PTK2: variants seen among roughly 807,000 people sequenced by gnomAD.
The protein encoded by PTK2 is protein tyrosine kinase 2, also known as focal adhesion kinase 1.
Under a neutral mutation model 150.1 loss-of-function variants are expected in PTK2, and 45 were observed. The ratio of observed to expected loss-of-function variants is 0.30; its 90% confidence interval spans 0.24 to 0.38. PTK2 has a LOEUF of 0.38. Ranked by LOEUF, PTK2 falls within the 10% of genes least tolerant of loss-of-function variation. PTK2 has a pLI of 1.00. For synonymous variants in PTK2, 432 were observed against 449.2 expected, an observed-to-expected ratio of 0.96 and a Z score of 0.48; for missense variants, 919 against 1,307.3, an observed-to-expected ratio of 0.70 and a Z score of 4.58.
At chr8:140,905,617 A>G (rs185004881) in intron 2 of PTK2, among the ~76,000 whole-genome samples, 3 of 152,276 alleles carry the variant, frequency 2.0e-5, no homozygotes. Context: ...ACAGATCAAC[A>G]AGACAGAAGA....
chr8:140,849,498 G>A (rs1413582929), intron 5 of PTK2, among the ~76,000 whole-genome samples: 1 of 152,182 alleles, frequency 6.6e-6, no homozygotes, highest in African/African-American at 2.4e-5. Flanking sequence ...AAACCAAACT[G>A]ATCAAGCATT....
intron 30 of PTK2, among the ~76,000 whole-genome samples, chr8:140,667,521 G>A (rs2093056066): frequency 6.8e-6 from 1 of 147,518 alleles, no homozygotes; most frequent in Admixed American, 6.8e-5. Context: ...AGCTGGTCTT[G>A]AACTTCTGAC....
chr8:140,911,046 ATTT>A (rs10706458), intron 2 of PTK2, among the ~76,000 whole-genome samples: 1 of 143,448 alleles, frequency 7.0e-6, no homozygotes. Context: ...GCCCAGCTAA[ATTT>A]TTTTTTTTTT....
chr8:140,675,662 G>A lies in PTK2; in HGVS notation c.2563-163C>T. The A allele has an allele frequency of 1.7e-5, 10 of 593,082 alleles. 1 individual carries two copies. In the South Asian group the frequency reaches 2.1e-4, roughly 12 times the overall value. 36.7% of individuals were successfully genotyped at this position (593,082 alleles called of 1,614,324 possible). On this transcript the variant is annotated intron_variant, in intron 27 of 31. Transcript: ENST00000522684. Reference sequence around the variant, plus strand: ...GCATAAGGTCTCAGTTGGGGTGGGGGATCAGGCAAATAAGCAAATGATGCC... The same window carrying A: ...GCATAAGGTCTCAGTTGGGGTGGGGAATCAGGCAAATAAGCAAATGATGCC...
chr8:140,801,799 C>T lies in PTK2; in HGVS notation c.976-1223G>A, dbSNP rs182061825. Among the ~76,000 whole-genome samples the T allele has an allele frequency of 3.9e-5, 6 of 152,140 alleles. No homozygotes were observed. In the East Asian group the frequency reaches 5.8e-4, roughly 15 times the overall value. On this transcript the variant is annotated intron_variant, in intron 11 of 31. Coordinates refer to ENST00000522684, the Ensembl canonical transcript of PTK2. ...TACAGTATATATAGTCAATGCACCA[C>T]ATAACAACATTTTGGTCAATGATGG...
At chr8:140,675,198 C>G (rs1413785978) in intron 28 of PTK2, among the ~76,000 whole-genome samples, 1 of 147,656 alleles carries the variant, frequency 6.8e-6, no homozygotes, top group Non-Finnish European at 1.5e-5. Context: ...CCGAGTGTTG[C>G]TCTGTCACCC....
chr8:140,744,779 ATG>A lies in PTK2; in HGVS notation c.1519-14_1519-13del. 2 of 1,344,842 alleles carry A rather than the reference ATG, an allele frequency of 1.5e-6. No individual in the cohort carries two copies. The highest frequency in any genetic ancestry group is 2.1e-6 in the Non-Finnish European group (2 of 962,518). The allele number at this position is 1,344,842 out of a possible 1,614,324, so 83.3% of individuals were successfully genotyped here. On this transcript the variant is annotated splice_polypyrimidine_tract_variant and intron_variant, in intron 18 of 31. Coordinates refer to ENST00000522684, the Ensembl canonical transcript of PTK2. ...AAAAATGACCTCAGCTTTTGGAACA[ATG>A]ACCAAAAGAAAAAAAAAAAAAAAAG...
intron 1 of PTK2, among the ~76,000 whole-genome samples, chr8:140,953,477 C>T (rs978080201): frequency 5.3e-5 from 8 of 152,078 alleles, no homozygotes; most frequent in African/African-American, 7.2e-5. Context: ...GACTAACAGG[C>T]GGGCAGCATA....
At chr8:140,952,359 T>C (rs1255540561) in intron 1 of PTK2, among the ~76,000 whole-genome samples, 2 of 152,150 alleles carry the variant, frequency 1.3e-5, no homozygotes, top group South Asian at 2.1e-4. Flanking sequence ...CTTCTCACAC[T>C]GTAACAATCA....
At chr8:140,763,404 T>A (rs1274213524) in intron 15 of PTK2, among the ~76,000 whole-genome samples, 1 of 152,210 alleles carries the variant, frequency 6.6e-6, no homozygotes, top group Non-Finnish European at 1.5e-5. Flanking sequence ...TTTGAGTTAA[T>A]TTCTAAGACT....
Position 140,973,893 on chromosome 8 carries a change from A to G in PTK2, c.-122+27232T>C, listed in dbSNP as rs551688158. ...GACTTCTATGCCACTGCTAGATTCC[A>G]TCATTTCTTATATCTTTGCCCCATC... On this transcript the variant is annotated intron_variant, in intron 1 of 31. Transcript: ENST00000522684. Among the ~76,000 whole-genome samples, 8 of 152,276 alleles carry G rather than the reference A, an allele frequency of 5.3e-5. No homozygotes were observed. The East Asian group carries it at 1.2e-3, about 22-fold the overall frequency.
At chr8:140,885,704 C>T (rs2100152010) in intron 3 of PTK2, among the ~76,000 whole-genome samples, 2 of 151,966 alleles carry the variant, frequency 1.3e-5, no homozygotes. Flanking sequence ...AAATGGGGAG[C>T]TCTTGGGGGG....
At chr8:140,812,890 T>C (rs1646604866) in intron 10 of PTK2, among the ~76,000 whole-genome samples, 1 of 152,164 alleles carries the variant, frequency 6.6e-6, no homozygotes, top group South Asian at 2.1e-4. Context: ...AGCCAGATTC[T>C]TAGAGACCTT....
chr8:140,717,545 A>C, intron 23 of PTK2, 53 bp downstream of exon 26: 2 of 1,394,652 alleles, frequency 1.4e-6, no homozygotes, highest in South Asian at 2.3e-5. Context: ...CTAACTGTAA[A>C]TCTTGAAAGT....
intron 2 of PTK2, among the ~76,000 whole-genome samples, chr8:140,892,983 T>C (rs1325705391): frequency 6.6e-6 from 1 of 152,234 alleles, no homozygotes; most frequent in East Asian, 1.9e-4. Context: ...GAACCAACCA[T>C]TCCATTTCTA....
chr8:140,927,107 T>C (rs13250232), intron 1 of PTK2, among the ~76,000 whole-genome samples: 63,452 of 152,010 alleles, frequency 0.42, 15,167 homozygotes, highest in Non-Finnish European at 0.55. Flanking sequence ...GAAGAAGAAG[T>C]TCAAAGTGTT....
chr8:140,962,968 G>T (rs2100183902), intron 1 of PTK2, among the ~76,000 whole-genome samples: 1 of 151,340 alleles, frequency 6.6e-6, no homozygotes, highest in South Asian at 2.1e-4. Flanking sequence ...CATTCCCTTT[G>T]CAGTGCAAAA....
In PTK2 at chr8:140,733,084, T is replaced by C. The variant is rs114377846; in HGVS notation, c.2030+2167A>G. 1.3e-3 allele frequency among the ~76,000 whole-genome samples: 192 copies of C among 152,230 alleles called. 1 individual carries two copies. The highest frequency in any genetic ancestry group is 3.6e-3 in the African/African-American group (149 of 41,522). Reference sequence around the variant, plus strand: ...CAGGGGAGTTATTTTTCCAGTGACATTTCAGGAAGATTGACTAAGCTGGTC... The same window carrying C: ...CAGGGGAGTTATTTTTCCAGTGACACTTCAGGAAGATTGACTAAGCTGGTC... On this transcript the variant is annotated intron_variant, in intron 22 of 31. Transcript: ENST00000522684.
intron 3 of PTK2, among the ~76,000 whole-genome samples, chr8:140,890,082 C>T (rs1319356378): frequency 1.3e-5 from 2 of 152,194 alleles, no homozygotes; most frequent in Non-Finnish European, 2.9e-5. Flanking sequence ...TCACAGGGAC[C>T]TTTTACATCT....
Sources: gnomAD v4.1 joint callset for allele counts (sites outside exome capture counted in the v4.1 genomes callset) on GRCh38, gnomAD v4.1.1 for gene constraint, MANE v1.5 for transcripts, NCBI Gene and HGNC (gene_info 2026-07-23, HGNC 2026-07-21) for gene names.